VAT1L: variants seen among roughly 807,000 people sequenced by gnomAD.
VAT1L encodes the protein putative NADPH-dependent quinone oxidoreductase VAT1L.
In VAT1L, 34 loss-of-function variants were observed where a neutral mutation model predicts 44.1. The observed-to-expected ratio is 0.77, with a 90% CI of 0.59 to 1.03. The LOEUF (loss-of-function observed/expected upper bound fraction) is 1.03. VAT1L is among the 50% of genes least tolerant of loss of function. The pLI is 0.00. For synonymous variants in VAT1L, 253 were observed against 202.2 expected (o/e 1.25, Z -2.13); for missense variants, 615 against 538.8 (o/e 1.14, Z -1.40).
chr16:77,951,833 T>C (rs1245295937), intron 7 of VAT1L, among the ~76,000 whole-genome samples: 1 of 28,636 alleles, frequency 3.5e-5, no homozygotes, highest in Non-Finnish European at 1.4e-4. Flanking sequence ...TTTTAAAAGT[T>C]TAAAATTAAA....
chr16:77,829,915 G>A (rs1020906917), intron 3 of VAT1L, among the ~76,000 whole-genome samples: 9 of 152,168 alleles, frequency 5.9e-5, no homozygotes, highest in Non-Finnish European at 1.0e-4. Flanking sequence ...TAGGCAGTAA[G>A]CAAGCATCAT....
intron 4 of VAT1L, 57 bp from the exon 5 acceptor site, chr16:77,876,313 T>C (rs1464673328): frequency 6.9e-7 from 1 of 1,438,878 alleles, no homozygotes; most frequent in Non-Finnish European, 9.8e-7. Flanking sequence ...AGGAAAGGGA[T>C]TGACAGTCTG....
intron 1 of VAT1L, among the ~76,000 whole-genome samples, chr16:77,802,663 CA>C (rs1567468421): frequency 9.0e-4 from 120 of 133,908 alleles, no homozygotes; most frequent in African/African-American, 3.2e-3. Context: ...CACACACACA[CA>C]CACACTAAAG....
At chr16:77,895,118 T>A (rs7499952) in intron 7 of VAT1L, among the ~76,000 whole-genome samples, 134,823 of 149,914 alleles carry the variant, frequency 0.9, 61,081 homozygotes, top group Non-Finnish European at 0.95. Context: ...ACACACACAC[T>A]CACACATTTC....
At chr16:77,793,410 T>C (rs2015870644) in intron 1 of VAT1L, among the ~76,000 whole-genome samples, 1 of 152,184 alleles carries the variant, frequency 6.6e-6, no homozygotes, top group African/African-American at 2.4e-5. Flanking sequence ...GCTACAATCA[T>C]AAACTGGAAC....
intron 7 of VAT1L, among the ~76,000 whole-genome samples, chr16:77,938,952 T>C (rs530786919): frequency 6.6e-6 from 1 of 152,074 alleles, no homozygotes; most frequent in South Asian, 2.1e-4. Context: ...GAGGAGTGGG[T>C]TGGGTGGTGT....
chr16:77,809,904 G>A (rs1399059426), intron 1 of VAT1L, among the ~76,000 whole-genome samples: 1 of 152,184 alleles, frequency 6.6e-6, no homozygotes, highest in Non-Finnish European at 1.5e-5. Context: ...GGGGCAGCCT[G>A]TCTGATATTT....
At chr16:77,953,609 C>G (rs960149682) in intron 7 of VAT1L, among the ~76,000 whole-genome samples, 1 of 152,112 alleles carries the variant, frequency 6.6e-6, no homozygotes, top group African/African-American at 2.4e-5. Flanking sequence ...GGTGCAATCA[C>G]AGCTCACTGC....
At chr16:77,894,912 T>G (rs2017306114) in intron 7 of VAT1L, among the ~76,000 whole-genome samples, 1 of 152,128 alleles carries the variant, frequency 6.6e-6, no homozygotes, top group Non-Finnish European at 1.5e-5. Flanking sequence ...ATCCTAGCTG[T>G]GTGGCCTCAG....
At chr16:77,878,706 A>G (rs951488568) in intron 5 of VAT1L, among the ~76,000 whole-genome samples, 3 of 151,748 alleles carry the variant, frequency 2.0e-5, no homozygotes, top group Non-Finnish European at 4.4e-5. Flanking sequence ...TTTCCAATCC[A>G]TCTATATTTT....
At chr16:77,950,827 T>C (rs897043099) in intron 7 of VAT1L, among the ~76,000 whole-genome samples, 2 of 152,230 alleles carry the variant, frequency 1.3e-5, no homozygotes, top group Non-Finnish European at 2.9e-5. Context: ...AAGGATCCAT[T>C]GTTTATCCGG....
intron 8 of VAT1L, among the ~76,000 whole-genome samples, chr16:77,977,220 G>C (rs1008501574): frequency 6.6e-6 from 1 of 152,146 alleles, no homozygotes; most frequent in African/African-American, 2.4e-5. Context: ...TCCCTCAGAA[G>C]AGACAGCTCT....
chr16:77,851,454 G>A (rs1747584728), intron 3 of VAT1L, among the ~76,000 whole-genome samples: 2 of 152,132 alleles, frequency 1.3e-5, no homozygotes, highest in East Asian at 1.9e-4. Flanking sequence ...CTCGAGACCA[G>A]CCTGGGCAAC....
intron 4 of VAT1L, among the ~76,000 whole-genome samples, chr16:77,864,388 T>A (rs556742452): frequency 6.6e-6 from 1 of 151,860 alleles, no homozygotes; most frequent in South Asian, 2.1e-4. Flanking sequence ...AGCCCAGGAG[T>A]TTGAGACCAC....
chr16:77,936,417 A>T (rs943514523), intron 7 of VAT1L, among the ~76,000 whole-genome samples: 2 of 152,076 alleles, frequency 1.3e-5, no homozygotes, highest in Non-Finnish European at 2.9e-5. Context: ...TTTCTGCCTC[A>T]TTGCACCTGG....
At chr16:77,974,692 A>G (rs971639706) in intron 8 of VAT1L, among the ~76,000 whole-genome samples, 3 of 152,110 alleles carry the variant, frequency 2.0e-5, no homozygotes, top group Non-Finnish European at 4.4e-5. Flanking sequence ...TCTCCTGAGT[A>G]GCTGGAATTA....
intron 7 of VAT1L, among the ~76,000 whole-genome samples, chr16:77,900,779 G>C (rs900146548): frequency 5.3e-5 from 8 of 151,488 alleles, no homozygotes; most frequent in African/African-American, 1.9e-4. Flanking sequence ...GTTATTGTCA[G>C]ACTGTACCCC....
chr16:77,928,159 G>T (rs901503820), intron 7 of VAT1L, among the ~76,000 whole-genome samples: 1 of 152,118 alleles, frequency 6.6e-6, no homozygotes, highest in African/African-American at 2.4e-5. Context: ...CCCAGAGCTG[G>T]CCTCCTTTTG....
At chr16:77,904,025 T>C (rs1199436897) in intron 7 of VAT1L, among the ~76,000 whole-genome samples, 4 of 152,094 alleles carry the variant, frequency 2.6e-5, no homozygotes, top group African/African-American at 9.7e-5. Flanking sequence ...TATGAGCCAC[T>C]GTGCCTGGCC....
Sources: allele counts gnomAD v4.1 joint callset (sites outside exome capture counted in the v4.1 genomes callset), GRCh38; gene constraint gnomAD v4.1.1; transcripts MANE v1.5; gene names NCBI Gene and HGNC (gene_info 2026-07-23, HGNC 2026-07-21).